Variants in SMG5 observed in about 807,000 individuals in gnomAD.
SMG5 encodes the protein nonsense-mediated mRNA decay factor SMG5.
Under a neutral mutation model 122.9 loss-of-function variants are expected in SMG5, and 53 were observed. The ratio of observed to expected loss-of-function variants is 0.43; its 90% CI spans 0.35 to 0.54. The LOEUF (loss-of-function observed/expected upper bound fraction) is 0.54. Among genes scored for constraint, SMG5 ranks in the 20% least tolerant of loss-of-function variants. The probability of loss-of-function intolerance (pLI) is 0.01; values close to 1 mark genes in which losing one functional copy is unlikely to be tolerated. For missense variants in SMG5, 1,153 were observed against 1,285.6 expected, an observed-to-expected ratio of 0.90 and a Z score of 1.58; for synonymous variants, 477 against 490.2, an observed-to-expected ratio of 0.97 and a Z score of 0.35.
At chr1:156,286,889 C>T (rs551579174), upstream of SMG5, among the ~76,000 whole-genome samples, 144 of 152,024 alleles carry the variant, frequency 9.5e-4, no homozygotes, top group Non-Finnish European at 1.4e-3. Flanking sequence ...TTTGAGAGGC[C>T]GAGGTGGCAG....
intron 7 of SMG5, 53 bp downstream of exon 7, chr1:156,272,266 CA>C: frequency 6.6e-7 from 1 of 1,507,878 alleles, no homozygotes; most frequent in African/African-American, 1.4e-5. Context: ...AAAACAAAGC[CA>C]AAATAATATG....
At chr1:156,253,705 C>T (rs1314540231) in intron 16 of SMG5, 197 bp from the exon 17 acceptor site, 3 of 611,902 alleles carry the variant, frequency 4.9e-6, no homozygotes, top group African/African-American at 1.8e-5. Context: ...CTTCCATTAC[C>T]AACCCGATGC....
At chr1:156,273,313 CT>C in intron 6 of SMG5, 47 bp downstream of exon 6, 1 of 1,519,268 alleles carries the variant, frequency 6.6e-7, no homozygotes, top group Non-Finnish European at 9.1e-7. Flanking sequence ...ATCGTCTTCC[CT>C]AGGAAAACCC....
rs1662105289 is a variant in SMG5 at position 156,265,892 on chromosome 1, G to A, written c.1744C>T (p.Arg582Ter). ...AGGTTGCTAAAGGTGGGGGCCAGTC[G>A]GAAGCAGCGCTTAGTCTGGAACATC... Reference protein sequence around the residue: ...TQMFQTKRCFRLAPTFSNLLL... With the variant: ...TQMFQTKRCF The change falls in exon 12 of 22, where the codon CGA (arginine) becomes TGA (stop). Residue 582 changes from arginine to a stop codon, truncating the protein, a stop_gained. Coordinates refer to ENST00000361813, the MANE Select transcript of SMG5 (RefSeq NM_015327.3). LOFTEE classifies it high-confidence loss of function. 1.2e-6 allele frequency: 2 copies of A among 1,614,084 alleles called. No individual in the cohort carries two copies. Among genetic ancestry groups the A allele is most frequent in the Admixed American group, 1.7e-5 (1 of 60,008 alleles).
Position 156,253,528 on chromosome 1 carries a change from C to G in SMG5, c.2443-20G>C. The G allele has an allele frequency of 6.2e-7, 1 of 1,613,588 alleles. No individual in the cohort carries two copies. On this transcript the variant is annotated intron_variant, in intron 16 of 21. Coordinates refer to ENST00000361813, the MANE Select transcript of SMG5 (RefSeq NM_015327.3). ...CTGTGCCTATGAGGGAAAAAATGAG[C>G]TGTAAGGAGTTGGGGTGTATTTTCC...
intron 6 of SMG5, 37 bp from the exon 7 acceptor site, chr1:156,272,435 A>AT: frequency 3.2e-6 from 5 of 1,552,132 alleles, no homozygotes; most frequent in Non-Finnish European, 3.5e-6. Flanking sequence ...CTAAGGCCAC[A>AT]ATACTCATTC....
At chr1:156,286,210 G>T (rs769768162), upstream of SMG5, 1 of 1,579,216 alleles carries the variant, frequency 6.3e-7, no homozygotes, top group South Asian at 1.1e-5. Context: ...TGCCTCTTGT[G>T]CCCTTCCCCT....
chr1:156,266,760 G>A, intron 10 of SMG5, 82 bp from the exon 11 acceptor site: 1 of 1,428,948 alleles, frequency 7.0e-7, no homozygotes, highest in Non-Finnish European at 9.5e-7. Context: ...CATCTCATCT[G>A]TTCTCAACTC....
chr1:156,261,257 T>G, intron 14 of SMG5, 76 bp downstream of exon 14: 1 of 1,392,186 alleles, frequency 7.2e-7, no homozygotes, highest in Non-Finnish European at 1.0e-6. Context: ...AGGGCTGGGT[T>G]ATGGGGAGGG....
At position 156,251,568 on chromosome 1, in the gene SMG5, T is replaced by G; in HGVS notation, c.2754-91A>C. Reference sequence around the variant, plus strand: ...GTCTGTTGTGGCTCTGGGGGCCTGGTTTTGCAGGCGGGGCTGGGGAACATG... The same window carrying G: ...GTCTGTTGTGGCTCTGGGGGCCTGGGTTTGCAGGCGGGGCTGGGGAACATG... On this transcript the variant is annotated intron_variant, in intron 19 of 21. Transcript: ENST00000361813. The G allele has an allele frequency of 2.3e-6, 3 of 1,310,804 alleles. 1 individual carries two copies. The highest frequency in any genetic ancestry group is 2.4e-5 in the South Asian group (2 of 84,676). The allele number at this position is 1,310,804 out of a possible 1,614,324, so 81.2% of individuals were successfully genotyped here. A position where few individuals can be genotyped will look rare whatever the true frequency, so the allele number is the denominator to read the frequency against.
At position 156,266,397 on chromosome 1, in the gene SMG5, G is replaced by A. The variant is rs371912231; in HGVS notation, c.1256-17C>T. 1.9e-6 allele frequency: 3 copies of A among 1,607,052 alleles called. No homozygotes were observed. In the Admixed American group the frequency reaches 5.0e-5, roughly 27 times the overall value. ...CTGGTTCATCTGCGGAAAGAGGAAG[G>A]TCAGGTGGAGCCCGAGGAACAGGTG... On this transcript the variant is annotated splice_polypyrimidine_tract_variant and intron_variant, in intron 11 of 21. Transcript: ENST00000361813.
chr1:156,284,785 A>G (rs1358528319), upstream of SMG5, among the ~76,000 whole-genome samples: 1 of 152,174 alleles, frequency 6.6e-6, no homozygotes, highest in East Asian at 1.9e-4. Flanking sequence ...GTCTACAGCA[A>G]GATCCTCAGT....
At chr1:156,260,894 T>G (rs539116222) in intron 14 of SMG5, among the ~76,000 whole-genome samples, 14 of 152,034 alleles carry the variant, frequency 9.2e-5, no homozygotes, top group Non-Finnish European at 1.6e-4. Context: ...GGGATGGAAA[T>G]GAGAGGAGGC....
In SMG5 at chr1:156,265,884, G is replaced by C. The variant is rs1481834718; in HGVS notation, c.1752C>G (p.Ala584=). 7 of 1,614,194 alleles carry C rather than the reference G, an allele frequency of 4.3e-6. No homozygotes were observed. The highest frequency in any genetic ancestry group is 5.9e-6 in the Non-Finnish European group (7 of 1,180,034). The change falls in exon 12 of 22, where the codon GCC becomes GCG. Residue 584 remains alanine, a synonymous_variant. Coordinates refer to ENST00000361813, the MANE Select transcript of SMG5 (RefSeq NM_015327.3). ...GGAGGAGCAGGTTGCTAAAGGTGGGGGCCAGTCGGAAGCAGCGCTTAGTCT... is the reference window on the plus strand; with the variant it reads ...GGAGGAGCAGGTTGCTAAAGGTGGGCGCCAGTCGGAAGCAGCGCTTAGTCT... ...MFQTKRCFRL[A]PTFSNLLLQP...
chr1:156,273,498 G>C (rs369621639), intron 5 of SMG5, 48 bp from the exon 6 acceptor site: 2 of 1,560,844 alleles, frequency 1.3e-6, no homozygotes, highest in African/African-American at 2.7e-5. Context: ...TTAAGTTTCA[G>C]AAAACCCTCC....
rs1050296855 is a variant in SMG5 at position 156,249,751 on chromosome 1, CCT to C, written c.*834_*835del. On this transcript the variant is annotated 3_prime_UTR_variant, in exon 22 of 22. Coordinates refer to ENST00000361813, the MANE Select transcript of SMG5 (RefSeq NM_015327.3). ...GGGGTGGTGGCCTCAGACTGCACCC[CCT>C]TTCTTCTCTTCCTGGCATCCCATTC... is the stretch of plus-strand genomic sequence containing the variant. 1.7e-5 allele frequency: 8 copies of C among 470,508 alleles called. No individual in the cohort carries two copies. The highest frequency in any genetic ancestry group is 3.1e-5 in the Non-Finnish European group (7 of 227,052). The allele number at this position is 470,508 out of a possible 1,614,324, so 29.1% of individuals were successfully genotyped here.
chr1:156,271,663 TC>T, intron 7 of SMG5, among the ~76,000 whole-genome samples: 1 of 85,478 alleles, frequency 1.2e-5, no homozygotes, highest in Non-Finnish European at 3.0e-5. Flanking sequence ...AACCTCTGCC[TC>T]CTGGGTTCAA....
intron 19 of SMG5, among the ~76,000 whole-genome samples, chr1:156,251,829 G>A (rs1661370529): frequency 6.6e-6 from 1 of 152,204 alleles, no homozygotes; most frequent in African/African-American, 2.4e-5. Flanking sequence ...GGGCCAGCTA[G>A]CAGGGAGAGG....
chr1:156,266,694 C>T lies in SMG5; in HGVS notation c.1118-16G>A, dbSNP rs746700347. The T allele has an allele frequency of 3.7e-6, 6 of 1,613,976 alleles. No homozygotes were observed. Among genetic ancestry groups the T allele is most frequent in the Non-Finnish European group, 5.1e-6 (6 of 1,179,922 alleles). On this transcript the variant is annotated splice_polypyrimidine_tract_variant and intron_variant, in intron 10 of 21. Transcript: ENST00000361813. ...TGCTTGGATCCTGAAGTCAGGAAAGCCAGGCATTAGGGGCCTAGGGCCCTG... is the reference window on the plus strand; with the variant it reads ...TGCTTGGATCCTGAAGTCAGGAAAGTCAGGCATTAGGGGCCTAGGGCCCTG...
Sources: allele counts gnomAD v4.1 joint callset (sites outside exome capture counted in the v4.1 genomes callset), GRCh38; gene constraint gnomAD v4.1.1; transcripts MANE v1.5; gene names NCBI Gene and HGNC (gene_info 2026-07-23, HGNC 2026-07-21).